GGA2: variants seen among roughly 807,000 people sequenced by gnomAD.
GGA2 encodes golgi associated, gamma adaptin ear containing, ARF binding protein 2.
Under a neutral mutation model 79.5 loss-of-function variants are expected in GGA2, and 48 were observed. That is an observed-to-expected ratio of 0.60 (90% confidence interval 0.48 to 0.77). The LOEUF (loss-of-function observed/expected upper bound fraction) is 0.77, where lower values mean the gene tolerates loss of function less well. Among genes scored for constraint, GGA2 ranks in the 30% least tolerant of loss-of-function variants. The pLI, the probability that GGA2 is intolerant of heterozygous loss-of-function variation, is 0.00. For synonymous variants in GGA2, 317 were observed against 302.0 expected (o/e 1.05, Z -0.51); for missense variants, 770 against 774.0 (o/e 0.99, Z 0.06).
upstream of GGA2, among the ~76,000 whole-genome samples, chr16:23,512,124 C>T (rs9938478): frequency 0.075 from 11,484 of 152,168 alleles, 737 homozygotes; most frequent in African/African-American, 0.17. Flanking sequence ...GTTTGAAAGG[C>T]GGAAGAAGAG....
chr16:23,495,765 G>A lies in GGA2; in HGVS notation c.105C>T (p.Asp35=). ...ACCAATCCTGTTCCGACATGCTTGGGTCTGTGGCTTTGTCTGTCAAATAAA... is the reference window on the plus strand; with the variant it reads ...ACCAATCCTGTTCCGACATGCTTGGATCTGTGGCTTTGTCTGTCAAATAAA... The part of the protein sequence containing the change: ...SLELWLNKAT[D]PSMSEQDWSA... Residue 35 remains aspartate (D), a synonymous_variant, in exon 2 of 17, where the codon GAC becomes GAT. Transcript: ENST00000309859. The A allele has an allele frequency of 1.2e-6, 2 of 1,610,686 alleles. No homozygotes were observed. Among genetic ancestry groups the A allele is most frequent in the Non-Finnish European group, 1.7e-6 (2 of 1,177,092 alleles).
At chr16:23,482,808 G>A in intron 9 of GGA2, 115 bp downstream of exon 9, 3 of 720,810 alleles carry the variant, frequency 4.2e-6, no homozygotes, top group Non-Finnish European at 7.6e-6. Context: ...CCAAGCCCAA[G>A]CTCCACGGAA....
In GGA2 at chr16:23,494,387, A is replaced by G. The variant is rs760462361; in HGVS notation, c.177-9T>C. 4 of 1,589,392 alleles carry G rather than the reference A, an allele frequency of 2.5e-6. No individual in the cohort carries two copies. The highest frequency in any genetic ancestry group is 2.6e-6 in the Non-Finnish European group (3 of 1,157,410). On this transcript the variant is annotated splice_polypyrimidine_tract_variant and intron_variant, in intron 2 of 16. Transcript: ENST00000309859. ...AGGGCGCATGTGTGGGGCTACAGGG[A>G]AACAAAAAGACCTAGACTCTGGGCG...
upstream of GGA2, chr16:23,522,939 A>G (rs1965163642): frequency 6.6e-6 from 1 of 152,174 alleles, no homozygotes; most frequent in African/African-American, 2.4e-5. Context: ...ATCCCTTGTC[A>G]TGTGGAGCAC....
chr16:23,489,957 G>A (rs1964762348), intron 5 of GGA2, among the ~76,000 whole-genome samples: 1 of 152,148 alleles, frequency 6.6e-6, no homozygotes, highest in African/African-American at 2.4e-5. Flanking sequence ...CTGGGGTGAG[G>A]CAGGATCACA....
At chr16:23,500,947 A>T in intron 1 of GGA2, 1 of 278,850 alleles carries the variant, frequency 3.6e-6, no homozygotes, top group Non-Finnish European at 7.1e-6. Context: ...CTTGATAGAA[A>T]ATACACCTCG....
chr16:23,515,875 G>A (rs1251185777), intron 2 of GGA2, among the ~76,000 whole-genome samples: 1 of 152,176 alleles, frequency 6.6e-6, no homozygotes, highest in Non-Finnish European at 1.5e-5. Context: ...GTCTAGCTCT[G>A]TTGCCCAGGC....
intron 1 of GGA2, among the ~76,000 whole-genome samples, chr16:23,496,423 T>G (rs2142135723): frequency 6.6e-6 from 1 of 152,080 alleles, no homozygotes; most frequent in Non-Finnish European, 1.5e-5. Flanking sequence ...TGCCCCCACC[T>G]GGCCTGTGAC....
intron 8 of GGA2, 99 bp downstream of exon 8, chr16:23,485,916 G>A (rs1026084148): frequency 1.2e-5 from 13 of 1,111,530 alleles, no homozygotes; most frequent in African/African-American, 1.5e-5. Flanking sequence ...TATGTTTACC[G>A]TCTTGACTCT....
chr16:23,470,932 C>T (rs1202198533), intron 14 of GGA2, among the ~76,000 whole-genome samples: 7 of 142,894 alleles, frequency 4.9e-5, no homozygotes, highest in African/African-American at 1.8e-4. Context: ...CGGATTCAAA[C>T]GATTCTCCCA....
intron 2 of GGA2, among the ~76,000 whole-genome samples, chr16:23,518,241 C>T (rs1965115201): frequency 6.6e-6 from 1 of 152,106 alleles, no homozygotes; most frequent in Admixed American, 6.5e-5. Context: ...CAGAATCTCA[C>T]TCTGTCACCA....
chr16:23,478,734 G>T, intron 12 of GGA2, 149 bp downstream of exon 12: 2 of 748,380 alleles, frequency 2.7e-6, no homozygotes, highest in South Asian at 1.4e-5. Flanking sequence ...CAGACAGTAT[G>T]GGTGAGGAAG....
At chr16:23,505,146 G>A (rs1470015965) in intron 1 of GGA2, among the ~76,000 whole-genome samples, 1 of 152,206 alleles carries the variant, frequency 6.6e-6, no homozygotes. Context: ...GACCCCAAGA[G>A]TCCGGCAATC....
rs1964437898 is a variant in GGA2 at position 23,466,412 on chromosome 16, C to T, written c.*1178G>A. 6.6e-6 allele frequency: 1 copy of T among 152,166 alleles called. No individual in the cohort carries two copies. Among genetic ancestry groups the T allele is most frequent in the Admixed American group, 6.5e-5 (1 of 15,272 alleles). 9.4% of individuals were successfully genotyped at this position (152,166 alleles called of 1,614,324 possible). A position where few individuals can be genotyped will look rare whatever the true frequency, so the allele number is the denominator to read the frequency against. ...CTTGAATTCTTCCATCAACAAATAT[C>T]CACCTCTCCTGTCCAGCTTGCCTCA... On this transcript the variant is annotated 3_prime_UTR_variant, in exon 17 of 17. Transcript: ENST00000309859.
chr16:23,508,036 G>A lies in GGA2; in HGVS notation c.91+2285C>T, dbSNP rs1330815811. Reference sequence around the variant, plus strand: ...CACTCCTTTTATCTCCTCCACCTGAGGCAGCTACTTTCTCTTACTCCGGCT... The same window carrying A: ...CACTCCTTTTATCTCCTCCACCTGAAGCAGCTACTTTCTCTTACTCCGGCT... On this transcript the variant is annotated intron_variant, in intron 1 of 16. Coordinates refer to ENST00000309859, the MANE Select transcript of GGA2 (RefSeq NM_015044.4). Among the ~76,000 whole-genome samples the A allele has an allele frequency of 3.3e-5, 5 of 151,902 alleles. No homozygotes were observed. In the East Asian group the frequency reaches 9.7e-4, roughly 29 times the overall value.
At chr16:23,490,510 G>A (rs9928410) in intron 5 of GGA2, among the ~76,000 whole-genome samples, 5,551 of 152,140 alleles carry the variant, frequency 0.036, 353 homozygotes, top group African/African-American at 0.13. Flanking sequence ...TGAGGCAGGC[G>A]GATCATTTGA....
At chr16:23,478,634 G>T in intron 12 of GGA2, 133 bp from the exon 13 acceptor site, 2 of 913,958 alleles carry the variant, frequency 2.2e-6, no homozygotes, top group Non-Finnish European at 3.6e-6. Context: ...TGGGGCAAGA[G>T]GGGAAAGAAA....
intron 1 of GGA2, among the ~76,000 whole-genome samples, chr16:23,521,599 A>G (rs1965143160): frequency 6.6e-6 from 1 of 152,012 alleles, no homozygotes; most frequent in Non-Finnish European, 1.5e-5. Flanking sequence ...GGATCTCACT[A>G]TGTTGCCCAG....
rs147959774 is a variant in GGA2, at chr16:23,499,900, C to G, written c.92-4122G>C. 6.5e-3 allele frequency among the ~76,000 whole-genome samples: 988 copies of G among 152,324 alleles called. 12 individuals carry two copies. The highest frequency in any genetic ancestry group is 0.023 in the African/African-American group (954 of 41,580). Reference sequence around the variant, plus strand: ...CGCTGGCAGGGCGGGGCCTGGTGAACCACGTGCCTAGGCTCCCGCATCACG... The same window carrying G: ...CGCTGGCAGGGCGGGGCCTGGTGAAGCACGTGCCTAGGCTCCCGCATCACG... On this transcript the variant is annotated intron_variant, in intron 1 of 16. Coordinates refer to ENST00000309859, the MANE Select transcript of GGA2 (RefSeq NM_015044.4).
Sources: allele counts gnomAD v4.1 joint callset (sites outside exome capture counted in the v4.1 genomes callset), GRCh38; gene constraint gnomAD v4.1.1; transcripts MANE v1.5; gene names NCBI Gene and HGNC (gene_info 2026-07-23, HGNC 2026-07-21).